SLC25A21: variants seen among roughly 807,000 people sequenced by gnomAD.
SLC25A21 encodes the protein solute carrier family 25 member 21, also known as mitochondrial 2-oxodicarboxylate carrier.
Under a neutral mutation model 43.8 loss-of-function variants are expected in SLC25A21, and 47 were observed. That is an observed-to-expected ratio of 1.07 (90% confidence interval 0.85 to 1.37). The LOEUF (loss-of-function observed/expected upper bound fraction) is 1.37, where lower values mean the gene tolerates loss of function less well. SLC25A21 is among the 40% of genes most tolerant of loss of function. The probability of loss-of-function intolerance (pLI) is 0.00; values close to 1 mark genes in which losing one functional copy is unlikely to be tolerated. For missense variants in SLC25A21, 352 were observed against 350.2 expected, an observed-to-expected ratio of 1.00 and a Z score of -0.04; for synonymous variants, 131 against 121.3, an observed-to-expected ratio of 1.08 and a Z score of -0.52.
At chr14:37,026,454 G>T (rs1420622297) in intron 1 of SLC25A21, among the ~76,000 whole-genome samples, 1 of 152,062 alleles carries the variant, frequency 6.6e-6, no homozygotes, top group Admixed American at 6.6e-5. Flanking sequence ...GGAGCTCCTT[G>T]TCGCCACCAA....
At chr14:37,131,438 C>G (rs1963390154) in intron 1 of SLC25A21, among the ~76,000 whole-genome samples, 1 of 152,182 alleles carries the variant, frequency 6.6e-6, no homozygotes, top group Non-Finnish European at 1.5e-5. Context: ...CTAACCAATG[C>G]TGTTGTCTGT....
At chr14:37,011,044 G>A (rs906819096) in intron 1 of SLC25A21, among the ~76,000 whole-genome samples, 5 of 152,098 alleles carry the variant, frequency 3.3e-5, no homozygotes, top group African/African-American at 1.2e-4. Flanking sequence ...GTGCCACCCT[G>A]CCCAGCTAAT....
chr14:36,881,326 T>C (rs761225361), intron 1 of SLC25A21, among the ~76,000 whole-genome samples: 1 of 141,888 alleles, frequency 7.0e-6, no homozygotes, highest in Non-Finnish European at 1.5e-5. Context: ...TTCTGGCAAG[T>C]AAAGACCATT....
chr14:36,778,695 T>C (rs1434036592), intron 3 of SLC25A21, among the ~76,000 whole-genome samples: 1 of 152,186 alleles, frequency 6.6e-6, no homozygotes, highest in African/African-American at 2.4e-5. Flanking sequence ...TGAAGTATGA[T>C]TGACAAATAA....
intron 2 of SLC25A21, among the ~76,000 whole-genome samples, chr14:36,819,342 A>C (rs1169383195): frequency 1.0e-5 from 1 of 99,828 alleles, no homozygotes; most frequent in Admixed American, 1.3e-4. Context: ...ACAAATGTAC[A>C]AGCATATTTT....
chr14:36,742,989 T>TAA (rs780426379), intron 3 of SLC25A21, among the ~76,000 whole-genome samples: 34 of 152,286 alleles, frequency 2.2e-4, no homozygotes, highest in Admixed American at 6.5e-4. Context: ...GCAACTGAAA[T>TAA]AAACTACAAC....
At chr14:37,099,463 G>T (rs777796639) in intron 1 of SLC25A21, among the ~76,000 whole-genome samples, 2 of 152,010 alleles carry the variant, frequency 1.3e-5, no homozygotes, top group Non-Finnish European at 2.9e-5. Context: ...ATCCTCCTGG[G>T]TCTTTTTAAG....
intron 1 of SLC25A21, among the ~76,000 whole-genome samples, chr14:36,932,731 G>A (rs532721334): frequency 9.9e-5 from 15 of 151,930 alleles, no homozygotes; most frequent in African/African-American, 3.6e-4. Flanking sequence ...ACTATACACT[G>A]TATAATGTAT....
chr14:37,115,759 C>T (rs1268844169), intron 1 of SLC25A21, among the ~76,000 whole-genome samples: 1 of 152,050 alleles, frequency 6.6e-6, no homozygotes, highest in East Asian at 1.9e-4. Flanking sequence ...AAAGCATGAC[C>T]AAAACATCAA....
intron 1 of SLC25A21, among the ~76,000 whole-genome samples, chr14:36,927,756 T>G (rs370021110): frequency 6.6e-6 from 1 of 152,134 alleles, no homozygotes; most frequent in Non-Finnish European, 1.5e-5. Flanking sequence ...AATTCAAGCA[T>G]GGAAATCGCA....
At chr14:36,700,017 C>T (rs1883212351) in intron 7 of SLC25A21, among the ~76,000 whole-genome samples, 1 of 152,106 alleles carries the variant, frequency 6.6e-6, no homozygotes, top group Admixed American at 6.6e-5. Flanking sequence ...AGAAATCACC[C>T]GTCTTCTGAG....
chr14:36,940,082 AT>A (rs1892519067), intron 1 of SLC25A21, among the ~76,000 whole-genome samples: 2 of 152,238 alleles, frequency 1.3e-5, no homozygotes, highest in Admixed American at 6.5e-5. Flanking sequence ...CTAATAAAGA[AT>A]GTTACGTGTA....
chr14:36,913,707 G>T (rs1891752634), intron 1 of SLC25A21, among the ~76,000 whole-genome samples: 1 of 152,162 alleles, frequency 6.6e-6, no homozygotes, highest in South Asian at 2.1e-4. Context: ...GTTGTTAAAA[G>T]AACCTTTTAT....
rs201073396 is a variant in SLC25A21, at chr14:36,683,791, A to G, written c.838+37T>C. On this transcript the variant is annotated intron_variant, in intron 9 of 9. Coordinates refer to ENST00000331299, the MANE Select transcript of SLC25A21 (RefSeq NM_030631.4). ...TCAAAAAAAGAGACGCTAGAACAAT[A>G]AAGAAGGAAGGATTAAATAATCAAA... is the stretch of plus-strand genomic sequence containing the variant. 107 of 1,472,332 alleles carry G rather than the reference A, an allele frequency of 7.3e-5. 1 individual carries two copies. The highest frequency in any genetic ancestry group is 3.8e-5 in the Admixed American group (2 of 51,982). The allele number at this position is 1,472,332 out of a possible 1,614,324, so 91.2% of individuals were successfully genotyped here. A position where few individuals can be genotyped will look rare whatever the true frequency, so the allele number is the denominator to read the frequency against.
chr14:36,811,651 CA>C (rs975541296), intron 3 of SLC25A21, among the ~76,000 whole-genome samples: 1 of 150,966 alleles, frequency 6.6e-6, no homozygotes, highest in East Asian at 2.0e-4. Flanking sequence ...GAGTCCGTCT[CA>C]AAAAAAACCC....
At chr14:36,837,067 C>A (rs1594629130) in intron 2 of SLC25A21, among the ~76,000 whole-genome samples, 1 of 152,008 alleles carries the variant, frequency 6.6e-6, no homozygotes, top group Admixed American at 6.5e-5. Context: ...TGTCATATGT[C>A]CCCAGTTTCC....
At chr14:37,134,929 CT>C (rs34540986) in intron 1 of SLC25A21, among the ~76,000 whole-genome samples, 30,657 of 139,302 alleles carry the variant, frequency 0.22, 3,234 homozygotes, top group South Asian at 0.28. Context: ...CTCATCTCTA[CT>C]TTTTTTTTTT....
chr14:37,121,018 T>A (rs1675985810), intron 1 of SLC25A21, among the ~76,000 whole-genome samples: 5 of 152,144 alleles, frequency 3.3e-5, no homozygotes, highest in Admixed American at 3.3e-4. Context: ...AGTAAACATT[T>A]CTTCGCAAAA....
intron 1 of SLC25A21, among the ~76,000 whole-genome samples, chr14:37,002,547 G>A (rs1305465267): frequency 6.6e-6 from 1 of 152,122 alleles, no homozygotes; most frequent in Non-Finnish European, 1.5e-5. Flanking sequence ...ACAACTTTGA[G>A]CAAGTGAGTC....
Sources: allele counts gnomAD v4.1 joint callset (sites outside exome capture counted in the v4.1 genomes callset), GRCh38; gene constraint gnomAD v4.1.1; transcripts MANE v1.5; gene names NCBI Gene and HGNC (gene_info 2026-07-23, HGNC 2026-07-21).